The following LUZP2 variants were observed in gnomAD, a reference collection of about 807,000 sequenced individuals.
The protein encoded by LUZP2 is leucine zipper protein 2.
LUZP2 carries 52 observed loss-of-function variants against 51.6 expected under a neutral mutation model. The observed-to-expected ratio is 1.01, with a 90% CI of 0.81 to 1.27. The LOEUF (loss-of-function observed/expected upper bound fraction) is 1.27. Ranked by LOEUF, LUZP2 falls within the 50% of genes most tolerant of loss-of-function variation. The pLI is 0.00. For missense variants in LUZP2, 436 were observed against 395.4 expected (o/e 1.10, Z -0.87); for synonymous variants, 154 against 137.3 (o/e 1.12, Z -0.85).
rs567316231 is a variant in LUZP2, at chr11:24,979,330, A to C, written c.597+2665A>C. On this transcript the variant is annotated intron_variant, in intron 8 of 11. Transcript: ENST00000336930. ...TTTTAACAAATCTCATGTAAGATAC[A>C]TATGAGGTTCATAAACTATAGCCAT... 2.0e-5 allele frequency among the ~76,000 whole-genome samples: 3 copies of C among 151,898 alleles called. No homozygotes were observed. In the East Asian group the frequency reaches 5.8e-4, roughly 29 times the overall value.
rs1252665901 is a variant in LUZP2, at chr11:24,597,397, T to G, written c.62+100092T>G. Among the ~76,000 whole-genome samples the G allele has an allele frequency of 2.6e-5, 4 of 152,324 alleles. No homozygotes were observed. In the East Asian group the frequency reaches 7.7e-4, roughly 29 times the overall value. The stretch of plus-strand genomic sequence containing the variant: ...CATATGGGATAAAACACACTTTAAT[T>G]TTCTCTAATCGAAACTCGTAGTCAG... On this transcript the variant is annotated intron_variant, in intron 1 of 11. Transcript: ENST00000336930.
chr11:24,544,431 C>G (rs557365920), intron 1 of LUZP2, among the ~76,000 whole-genome samples: 1 of 152,182 alleles, frequency 6.6e-6, no homozygotes, highest in South Asian at 2.1e-4. Context: ...CTGATCCACT[C>G]TCTTCTCCCA....
chr11:24,994,780 C>T (rs906844118), intron 9 of LUZP2, among the ~76,000 whole-genome samples: 2 of 152,050 alleles, frequency 1.3e-5, no homozygotes, highest in Admixed American at 6.6e-5. Context: ...GTAATTTAAT[C>T]TTTAAAATGT....
chr11:24,942,929 CTTA>C (rs561774913), intron 7 of LUZP2, among the ~76,000 whole-genome samples: 2 of 152,038 alleles, frequency 1.3e-5, no homozygotes, highest in Non-Finnish European at 2.9e-5. Context: ...TCAGATTTTT[CTTA>C]TTATTTAATG....
intron 5 of LUZP2, among the ~76,000 whole-genome samples, chr11:24,830,477 C>T (rs755895541): frequency 8.6e-5 from 13 of 150,466 alleles, no homozygotes; most frequent in Admixed American, 3.3e-4. Context: ...GTCTCCAAAA[C>T]GGGGCACCTT....
intron 1 of LUZP2, among the ~76,000 whole-genome samples, chr11:24,672,623 T>C (rs964629551): frequency 6.6e-6 from 1 of 152,216 alleles, no homozygotes; most frequent in African/African-American, 2.4e-5. Flanking sequence ...AATATGGTCA[T>C]GCATCTTTAG....
chr11:24,647,551 G>A (rs1187365949), intron 1 of LUZP2, among the ~76,000 whole-genome samples: 1 of 151,850 alleles, frequency 6.6e-6, no homozygotes, highest in Non-Finnish European at 1.5e-5. Context: ...ATGAAATAAA[G>A]TGAAATGTAA....
rs934959387 is a variant in LUZP2, at chr11:24,838,102, G to A, written c.397-67889G>A. ...TATGTGGTCCAACTAAGGCTTAGAA[G>A]AAAGTTAAATAATTTTCCCAATATC... is the stretch of plus-strand genomic sequence containing the variant. On this transcript the variant is annotated intron_variant, in intron 5 of 11. Transcript: ENST00000336930. Among the ~76,000 whole-genome samples, 4 of 15,086 alleles carry A rather than the reference G, an allele frequency of 2.7e-4. No homozygotes were observed. The Non-Finnish European group carries it at 0.021, about 79-fold the overall frequency. 9.9% of individuals were successfully genotyped at this position (15,086 alleles called of 152,430 possible). A position where few individuals can be genotyped will look rare whatever the true frequency, so the allele number is the denominator to read the frequency against.
intron 1 of LUZP2, among the ~76,000 whole-genome samples, chr11:24,580,414 T>C (rs1004724066): frequency 3.3e-5 from 5 of 152,090 alleles, no homozygotes; most frequent in African/African-American, 9.7e-5. Context: ...ATCAAATAAA[T>C]AGGCTGAGAG....
intron 7 of LUZP2, among the ~76,000 whole-genome samples, chr11:24,935,794 G>A (rs1391515861): frequency 6.6e-6 from 1 of 151,738 alleles, no homozygotes; most frequent in Non-Finnish European, 1.5e-5. Context: ...ATGAATTAAT[G>A]GTAAAATTTG....
intron 1 of LUZP2, among the ~76,000 whole-genome samples, chr11:24,635,930 C>A (rs530212420): frequency 6.6e-6 from 1 of 152,240 alleles, no homozygotes; most frequent in East Asian, 1.9e-4. Flanking sequence ...AAAAGTGGAA[C>A]TGGGGAAAAG....
At chr11:24,583,685 G>A (rs1214021117) in intron 1 of LUZP2, among the ~76,000 whole-genome samples, 3 of 151,458 alleles carry the variant, frequency 2.0e-5, no homozygotes, top group Non-Finnish European at 2.9e-5. Context: ...AAGTAACCAG[G>A]GGAAGTCGAT....
chr11:24,993,142 A>T (rs1856399217), intron 9 of LUZP2, among the ~76,000 whole-genome samples: 1 of 152,148 alleles, frequency 6.6e-6, no homozygotes, highest in Non-Finnish European at 1.5e-5. Context: ...TTGTAAAGTT[A>T]GAATTTGGTA....
At chr11:25,000,714 C>G (rs2133942245) in intron 9 of LUZP2, among the ~76,000 whole-genome samples, 1 of 152,248 alleles carries the variant, frequency 6.6e-6, no homozygotes. Flanking sequence ...GGTGGCATCT[C>G]TTAGTATCCC....
intron 9 of LUZP2, among the ~76,000 whole-genome samples, chr11:25,041,819 T>C (rs1858068725): frequency 1.3e-5 from 2 of 152,076 alleles, no homozygotes; most frequent in African/African-American, 2.4e-5. Context: ...CAGCAAGAGG[T>C]GAGAAGCAGG....
intron 1 of LUZP2, among the ~76,000 whole-genome samples, chr11:24,710,721 C>A (rs199702794): frequency 6.6e-6 from 1 of 152,090 alleles, no homozygotes; most frequent in East Asian, 1.9e-4. Context: ...ATCTTGTAAC[C>A]AGTGAACTTA....
intron 5 of LUZP2, among the ~76,000 whole-genome samples, chr11:24,842,198 A>C (rs1851056828): frequency 6.7e-6 from 1 of 149,536 alleles, no homozygotes; most frequent in Non-Finnish European, 1.5e-5. Context: ...TTAATATTAA[A>C]ATTTTCAATT....
At chr11:24,613,648 GA>G (rs965086241) in intron 1 of LUZP2, among the ~76,000 whole-genome samples, 12 of 151,296 alleles carry the variant, frequency 7.9e-5, no homozygotes, top group African/African-American at 2.4e-4. Context: ...ACATTTCCTT[GA>G]AAAAAAATTC....
At chr11:24,802,528 T>G (rs768878959) in intron 5 of LUZP2, among the ~76,000 whole-genome samples, 5 of 152,028 alleles carry the variant, frequency 3.3e-5, no homozygotes, top group Admixed American at 6.6e-5. Context: ...ATACCATTTT[T>G]AATTGCACAG....
Sources: allele counts gnomAD v4.1 joint callset (sites outside exome capture counted in the v4.1 genomes callset), GRCh38; gene constraint gnomAD v4.1.1; transcripts MANE v1.5; gene names NCBI Gene and HGNC (gene_info 2026-07-23, HGNC 2026-07-21).